The following SGCZ variants were observed in gnomAD, a reference collection of about 807,000 sequenced individuals.
SGCZ encodes the protein zeta-sarcoglycan.
In SGCZ, 40 loss-of-function variants were observed where a neutral mutation model predicts 41.3. The observed-to-expected ratio is 0.97, with a 90% CI of 0.75 to 1.26. The LOEUF (loss-of-function observed/expected upper bound fraction) is 1.26. Ranked by LOEUF, SGCZ falls within the 50% of genes most tolerant of loss-of-function variation. The pLI, the probability that SGCZ is intolerant of heterozygous loss-of-function variation, is 0.00. For missense variants in SGCZ, 552 were observed against 369.8 expected (o/e 1.49, Z -4.04); for synonymous variants, 206 against 137.5 (o/e 1.50, Z -3.49).
chr8:15,137,982 A>G (rs1808177685), intron 1 of SGCZ, among the ~76,000 whole-genome samples: 1 of 152,166 alleles, frequency 6.6e-6, no homozygotes, highest in Non-Finnish European at 1.5e-5. Flanking sequence ...GCTCAAAGCC[A>G]GCCCATGAAA....
intron 2 of SGCZ, among the ~76,000 whole-genome samples, chr8:14,468,243 G>A (rs1248857323): frequency 2.0e-5 from 3 of 151,920 alleles, no homozygotes; most frequent in Non-Finnish European, 4.4e-5. Context: ...CAGATTGGGT[G>A]ATAGGCATCA....
At chr8:14,487,581 A>G (rs1801710691) in intron 2 of SGCZ, among the ~76,000 whole-genome samples, 1 of 79,846 alleles carries the variant, frequency 1.3e-5, no homozygotes, top group African/African-American at 4.7e-5. Flanking sequence ...ATTTATTTCA[A>G]TTATGTTTCT....
chr8:14,836,365 C>T (rs570220325), intron 1 of SGCZ, among the ~76,000 whole-genome samples: 1 of 152,148 alleles, frequency 6.6e-6, no homozygotes, highest in Non-Finnish European at 1.5e-5. Flanking sequence ...AGATAGGAAC[C>T]ATTATTAAAT....
At chr8:15,002,031 A>AT (rs1802444528) in intron 1 of SGCZ, among the ~76,000 whole-genome samples, 1 of 152,210 alleles carries the variant, frequency 6.6e-6, no homozygotes, top group Non-Finnish European at 1.5e-5. Context: ...AACATAAAAC[A>AT]TAAGTGTTAT....
chr8:15,150,761 G>A (rs893833249), intron 1 of SGCZ, among the ~76,000 whole-genome samples: 1 of 152,180 alleles, frequency 6.6e-6, no homozygotes, highest in African/African-American at 2.4e-5. Flanking sequence ...GTTTCTGGAA[G>A]ATAACACGTA....
rs188741028 is a variant in SGCZ, at chr8:14,530,582, C to G, written c.234+24150G>C. The stretch of plus-strand genomic sequence containing the variant: ...TTGAAAGTACAATGAGATTGGCACA[C>G]AGCAGTAACACTGTATGGTTCACTA... On this transcript the variant is annotated intron_variant, in intron 2 of 7. Transcript: ENST00000382080. Among the ~76,000 whole-genome samples the G allele has an allele frequency of 6.4e-4, 97 of 152,176 alleles. 1 individual carries two copies. Among genetic ancestry groups the G allele is most frequent in the Non-Finnish European group, 8.7e-4 (59 of 67,998 alleles).
chr8:15,106,785 A>G (rs2131091758), intron 1 of SGCZ, among the ~76,000 whole-genome samples: 1 of 152,120 alleles, frequency 6.6e-6, no homozygotes. Flanking sequence ...TGTGGTGGTG[A>G]TAGTACTCAT....
chr8:14,524,114 A>G (rs1046367267), intron 2 of SGCZ, among the ~76,000 whole-genome samples: 1 of 152,066 alleles, frequency 6.6e-6, no homozygotes, highest in Non-Finnish European at 1.5e-5. Flanking sequence ...ATTCAGTTTG[A>G]CATCTTCTTG....
chr8:14,808,675 T>C (rs1323752253), intron 1 of SGCZ, among the ~76,000 whole-genome samples: 1 of 152,092 alleles, frequency 6.6e-6, no homozygotes, highest in African/African-American at 2.4e-5. Context: ...AGTGTGGCGA[T>C]TCCTCAGGGA....
chr8:14,952,114 A>G (rs1159303357), intron 1 of SGCZ, among the ~76,000 whole-genome samples: 1 of 152,104 alleles, frequency 6.6e-6, no homozygotes, highest in African/African-American at 2.4e-5. Flanking sequence ...TGCTGGGGTC[A>G]ATTATAGTTT....
At chr8:15,107,263 A>G (rs1400832118) in intron 1 of SGCZ, among the ~76,000 whole-genome samples, 1 of 152,162 alleles carries the variant, frequency 6.6e-6, no homozygotes, top group Non-Finnish European at 1.5e-5. Flanking sequence ...AATAGCATTA[A>G]AGTTGTGCTG....
intron 1 of SGCZ, among the ~76,000 whole-genome samples, chr8:15,059,127 G>C (rs1448038599): frequency 1.3e-5 from 2 of 152,022 alleles, no homozygotes; most frequent in African/African-American, 4.8e-5. Context: ...CTGTTTGACA[G>C]CATGATAAAA....
chr8:14,603,376 A>T (rs1429951397), intron 1 of SGCZ, among the ~76,000 whole-genome samples: 1 of 152,182 alleles, frequency 6.6e-6, no homozygotes, highest in African/African-American at 2.4e-5. Flanking sequence ...ATTGTTGAAA[A>T]AAGGCTATTC....
chr8:15,055,996 A>G (rs1804688602), intron 1 of SGCZ, among the ~76,000 whole-genome samples: 1 of 152,222 alleles, frequency 6.6e-6, no homozygotes, highest in Admixed American at 6.5e-5. Flanking sequence ...AGCTGGGTAA[A>G]GCAGTGATGT....
intron 1 of SGCZ, among the ~76,000 whole-genome samples, chr8:14,567,784 G>C (rs1050137439): frequency 6.6e-6 from 1 of 152,168 alleles, no homozygotes; most frequent in African/African-American, 2.4e-5. Context: ...CGAACCCACT[G>C]GGAGGAATGA....
At chr8:14,960,931 G>GCACACACA (rs56258079) in intron 1 of SGCZ, among the ~76,000 whole-genome samples, 1 of 144,370 alleles carries the variant, frequency 6.9e-6, no homozygotes, top group African/African-American at 2.6e-5. Flanking sequence ...CAAGGAAATG[G>GCACACACA]CACACACACA....
chr8:14,157,079 G>A (rs977723256), intron 5 of SGCZ, among the ~76,000 whole-genome samples: 17 of 151,802 alleles, frequency 1.1e-4, no homozygotes, highest in African/African-American at 4.1e-4. Context: ...TTCTATGACT[G>A]GCTGCAAAGT....
At chr8:14,895,987 A>G (rs558864100) in intron 1 of SGCZ, among the ~76,000 whole-genome samples, 13 of 152,308 alleles carry the variant, frequency 8.5e-5, no homozygotes, top group African/African-American at 2.9e-4. Flanking sequence ...GGTGAACACT[A>G]CCTGGTAAGG....
At chr8:14,107,021 C>G (rs1047477872) in intron 6 of SGCZ, among the ~76,000 whole-genome samples, 2 of 152,006 alleles carry the variant, frequency 1.3e-5, no homozygotes, top group African/African-American at 2.4e-5. Flanking sequence ...TAGAGACTAT[C>G]CGGAGCAACA....
Sources: gnomAD v4.1 joint callset for allele counts (sites outside exome capture counted in the v4.1 genomes callset) on GRCh38, gnomAD v4.1.1 for gene constraint, MANE v1.5 for transcripts, NCBI Gene and HGNC (gene_info 2026-07-23, HGNC 2026-07-21) for gene names.